The following EPB41L5 variants were observed in gnomAD, a reference collection of about 807,000 sequenced individuals.
EPB41L5 encodes band 4.1-like protein 5.
Under a neutral mutation model 106.6 loss-of-function variants are expected in EPB41L5, and 55 were observed. That is an observed-to-expected ratio of 0.52 (90% CI 0.42 to 0.65). The LOEUF (loss-of-function observed/expected upper bound fraction) is 0.65. Ranked by LOEUF, EPB41L5 falls within the 30% of genes least tolerant of loss-of-function variation. EPB41L5 has a pLI of 0.00. For missense variants in EPB41L5, 871 were observed against 882.1 expected (o/e 0.99, Z 0.16); for synonymous variants, 297 against 306.7 (o/e 0.97, Z 0.33).
At chr2:120,020,845 G>A (rs180878383) in intron 2 of EPB41L5, among the ~76,000 whole-genome samples, 26 of 151,092 alleles carry the variant, frequency 1.7e-4, no homozygotes, top group Admixed American at 9.9e-4. Context: ...TTTTAAAAAC[G>A]CAGTGCAGTA....
intron 1 of EPB41L5, among the ~76,000 whole-genome samples, chr2:120,017,082 TATAA>T (rs143871213): frequency 6.0e-4 from 92 of 152,384 alleles, no homozygotes; most frequent in Non-Finnish European, 1.1e-3. Context: ...TTATCGGGTT[TATAA>T]ATAAATCTAG....
intron 18 of EPB41L5, among the ~76,000 whole-genome samples, chr2:120,137,935 A>T (rs1341391891): frequency 6.6e-6 from 1 of 152,100 alleles, no homozygotes; most frequent in Non-Finnish European, 1.5e-5. Context: ...TCTGATGAAT[A>T]CTGATGCAAA....
At chr2:120,022,679 A>C (rs1179324697) in intron 2 of EPB41L5, among the ~76,000 whole-genome samples, 1 of 152,128 alleles carries the variant, frequency 6.6e-6, no homozygotes, top group Non-Finnish European at 1.5e-5. Context: ...ATGATTTATA[A>C]TTCTTTGGGT....
chr2:120,146,340 C>CT (rs979952254), intron 20 of EPB41L5, 51 bp downstream of exon 20: 41 of 1,346,968 alleles, frequency 3.0e-5, no homozygotes, highest in South Asian at 7.4e-5. Context: ...CTATCTTTGT[C>CT]TTTTTTTTCT....
chr2:120,168,243 G>A (rs1436555842), intron 24 of EPB41L5, among the ~76,000 whole-genome samples: 5 of 152,134 alleles, frequency 3.3e-5, no homozygotes, highest in Non-Finnish European at 7.4e-5. Flanking sequence ...GATGTTAACA[G>A]GCTTATCTTT....
chr2:120,112,026 T>A (rs1684749740), intron 16 of EPB41L5, among the ~76,000 whole-genome samples: 1 of 152,144 alleles, frequency 6.6e-6, no homozygotes, highest in Non-Finnish European at 1.5e-5. Flanking sequence ...ATCAGGTTTC[T>A]TATTGGAGAA....
intron 16 of EPB41L5, among the ~76,000 whole-genome samples, chr2:120,117,457 G>A (rs1458440785): frequency 1.3e-5 from 2 of 152,102 alleles, no homozygotes; most frequent in Non-Finnish European, 1.5e-5. Flanking sequence ...TTATTTGGTC[G>A]TAGATGAATT....
intron 21 of EPB41L5, among the ~76,000 whole-genome samples, chr2:120,161,315 T>C (rs146771640): frequency 1.3e-5 from 2 of 151,134 alleles, no homozygotes; most frequent in African/African-American, 2.4e-5. Flanking sequence ...GAGGTGGAGA[T>C]TGCAGTGAAC....
At chr2:120,166,785 A>C (rs1179755963) in intron 22 of EPB41L5, among the ~76,000 whole-genome samples, 2 of 152,238 alleles carry the variant, frequency 1.3e-5, no homozygotes, top group East Asian at 3.8e-4. Flanking sequence ...ACCTGGACTT[A>C]CATTAGTTTT....
intron 10 of EPB41L5, among the ~76,000 whole-genome samples, chr2:120,081,014 T>G (rs1005234900): frequency 3.3e-5 from 5 of 152,198 alleles, no homozygotes; most frequent in Admixed American, 1.3e-4. Context: ...TATTAGCACT[T>G]TGTCAGATGG....
chr2:120,047,952 A>G (rs1283145414), intron 3 of EPB41L5, among the ~76,000 whole-genome samples: 1 of 152,076 alleles, frequency 6.6e-6, no homozygotes, highest in South Asian at 2.1e-4. Flanking sequence ...TGTTTATATG[A>G]TGGATTACGT....
At chr2:120,106,621 C>T (rs1684467657) in intron 16 of EPB41L5, 4 of 984,242 alleles carry the variant, frequency 4.1e-6, no homozygotes, top group Non-Finnish European at 3.6e-6. Flanking sequence ...ATTTAATTTA[C>T]AGTGCTTTGG....
intron 21 of EPB41L5, among the ~76,000 whole-genome samples, chr2:120,163,591 GT>G (rs34255923): frequency 0.69 from 94,837 of 138,442 alleles, 33,026 homozygotes; most frequent in Middle Eastern, 0.78. Context: ...CCTGTTACTG[GT>G]TTTTTTTTTT....
At chr2:120,085,535 C>T (rs897551097) in intron 10 of EPB41L5, among the ~76,000 whole-genome samples, 5 of 152,182 alleles carry the variant, frequency 3.3e-5, no homozygotes, top group African/African-American at 1.2e-4. Context: ...GGGTGCCTCC[C>T]AGTTAGGCTA....
intron 3 of EPB41L5, among the ~76,000 whole-genome samples, chr2:120,069,230 CAAA>C (rs1363470509): frequency 1.4e-5 from 2 of 144,464 alleles, no homozygotes; most frequent in African/African-American, 5.3e-5. Context: ...TCAAAAAAGA[CAAA>C]GAAGGGCATG....
At chr2:120,073,085 A>C (rs2105318095) in intron 3 of EPB41L5, 93 bp from the exon 4 acceptor site, 1 of 1,067,118 alleles carries the variant, frequency 9.4e-7, no homozygotes, top group East Asian at 2.5e-5. Context: ...TGCGGTTATC[A>C]GTGTAGGCAC....
intron 18 of EPB41L5, among the ~76,000 whole-genome samples, chr2:120,140,718 A>C (rs756905719): frequency 3.3e-5 from 5 of 152,066 alleles, no homozygotes; most frequent in African/African-American, 7.2e-5. Flanking sequence ...ATCTGAAAAA[A>C]TACAAAATCT....
intron 13 of EPB41L5, among the ~76,000 whole-genome samples, chr2:120,092,095 C>G (rs550626973): frequency 6.6e-6 from 1 of 151,918 alleles, no homozygotes; most frequent in Non-Finnish European, 1.5e-5. Flanking sequence ...GTGGCATGAT[C>G]TCAGCTCACT....
chr2:120,089,409 A>G (rs1056763515), intron 11 of EPB41L5, among the ~76,000 whole-genome samples: 104 of 152,092 alleles, frequency 6.8e-4, no homozygotes, highest in Non-Finnish European at 7.4e-5. Context: ...CTTTTTCCAA[A>G]TATTAACTCA....
Sources: gnomAD v4.1 joint callset for allele counts (sites outside exome capture counted in the v4.1 genomes callset) on GRCh38, gnomAD v4.1.1 for gene constraint, MANE v1.5 for transcripts, NCBI Gene and HGNC (gene_info 2026-07-23, HGNC 2026-07-21) for gene names.